Variants in SCN9A observed in about 807,000 individuals in gnomAD.
SCN9A encodes sodium channel protein type 9 subunit alpha.
A neutral mutation model predicts 187.0 loss-of-function variants in SCN9A; 131 were observed. The ratio of observed to expected loss-of-function variants is 0.70; its 90% CI spans 0.61 to 0.81. SCN9A has a LOEUF of 0.81. Among genes scored for constraint, SCN9A ranks in the 30% least tolerant of loss-of-function variants. The pLI is 0.00. For missense variants in SCN9A, 2,252 were observed against 2,396.6 expected, an observed-to-expected ratio of 0.94 and a Z score of 1.26; for synonymous variants, 809 against 808.6, an observed-to-expected ratio of 1.00 and a Z score of -0.01.
chr2:166,356,344 A>G (rs1014528299), intron 1 of SCN9A, among the ~76,000 whole-genome samples: 1 of 152,182 alleles, frequency 6.6e-6, no homozygotes, highest in Non-Finnish European at 1.5e-5. Context: ...ACATTCATTC[A>G]TTCATTCATT....
intron 24 of SCN9A, among the ~76,000 whole-genome samples, chr2:166,214,469 T>G (rs1336245204): frequency 6.6e-6 from 1 of 151,752 alleles, no homozygotes; most frequent in Non-Finnish European, 1.5e-5. Context: ...CTTCCCTGGC[T>G]TCCTCCAGAG....
Position 166,230,313 on chromosome 2 carries a change from T to C in SCN9A, c.3925-1341A>G, listed in dbSNP as rs148322350. Among the ~76,000 whole-genome samples the C allele has an allele frequency of 1.8e-3, 271 of 152,276 alleles. 1 individual carries two copies. The highest frequency in any genetic ancestry group is 6.3e-3 in the African/African-American group (261 of 41,552). ...AACAAACATTATGGTTGTGCTGTCT[T>C]TCCGGAAAGACAATTCTAACTTTCA... On this transcript the variant is annotated intron_variant, in intron 21 of 26. Transcript: ENST00000642356.
intron 1 of SCN9A, among the ~76,000 whole-genome samples, chr2:166,343,500 G>T (rs1235186630): frequency 6.6e-6 from 1 of 152,140 alleles, no homozygotes; most frequent in Non-Finnish European, 1.5e-5. Flanking sequence ...CTATAGGATG[G>T]TATTAAGAAC....
At chr2:166,361,599 A>C (rs1700287592) in intron 1 of SCN9A, among the ~76,000 whole-genome samples, 1 of 152,144 alleles carries the variant, frequency 6.6e-6, no homozygotes, top group Admixed American at 6.6e-5. Context: ...AGGATGTTGA[A>C]AGATTTAATA....
intron 24 of SCN9A, among the ~76,000 whole-genome samples, chr2:166,220,849 T>A (rs1490713451): frequency 1.3e-5 from 2 of 151,060 alleles, no homozygotes; most frequent in African/African-American, 2.4e-5. Flanking sequence ...GTAAAAGACA[T>A]CCCAATCTGA....
At chr2:166,279,866 G>T (rs551089488) in intron 14 of SCN9A, among the ~76,000 whole-genome samples, 2 of 152,022 alleles carry the variant, frequency 1.3e-5, no homozygotes, top group East Asian at 3.9e-4. Context: ...ATACTACAGA[G>T]TTAAAATATT....
chr2:166,214,944 C>T (rs899621183), intron 24 of SCN9A, among the ~76,000 whole-genome samples: 5 of 151,858 alleles, frequency 3.3e-5, no homozygotes, highest in African/African-American at 1.2e-4. Flanking sequence ...CACTTTAATC[C>T]AATAGATCTA....
chr2:166,267,341 T>C (rs1696785776), intron 17 of SCN9A, among the ~76,000 whole-genome samples: 2 of 152,084 alleles, frequency 1.3e-5, no homozygotes, highest in Admixed American at 1.3e-4. Flanking sequence ...ATTCTGTTGA[T>C]ATAATATAGA....
chr2:166,332,367 G>A (rs1384861527), intron 1 of SCN9A, among the ~76,000 whole-genome samples: 1 of 152,066 alleles, frequency 6.6e-6, no homozygotes, highest in African/African-American at 2.4e-5. Context: ...ATTTGGCTTG[G>A]GACAGCCAGT....
chr2:166,370,645 G>A (rs1287242427), intron 1 of SCN9A, among the ~76,000 whole-genome samples: 1 of 151,810 alleles, frequency 6.6e-6, no homozygotes, highest in Non-Finnish European at 1.5e-5. Flanking sequence ...AAAATCTTAT[G>A]GGAATGTTTT....
At chr2:166,239,788 G>C (rs1271330400) in intron 19 of SCN9A, among the ~76,000 whole-genome samples, 1 of 152,094 alleles carries the variant, frequency 6.6e-6, no homozygotes, top group Non-Finnish European at 1.5e-5. Flanking sequence ...TGGTGTACAG[G>C]GTCAGAGCAG....
chr2:166,277,144 G>A lies in SCN9A; in HGVS notation c.2713C>T (p.Leu905Phe). 1.2e-6 allele frequency: 2 copies of A among 1,614,004 alleles called. No individual in the cohort carries two copies. Among genetic ancestry groups the A allele is most frequent in the South Asian group, 1.1e-5 (1 of 91,084 alleles). ...AAGTCGTTCATGTGCCACCGTGGGA[G>A]CGTACAGTCATCATTGATCTTGCAG... ...CVCKINDDCT[L>F]PRWHMNDFFH... The change falls in exon 16 of 27, where the codon CTC becomes TTC. Residue 905 changes from leucine (L) to phenylalanine (F), a missense_variant. This residue lies in a region of SCN9A where 119 missense variants were observed against 188.7 expected (regional missense o/e 0.63). Coordinates refer to ENST00000642356, the MANE Select transcript of SCN9A (RefSeq NM_001365536.1).
chr2:166,233,583 T>C (rs1695190744), intron 20 of SCN9A, 121 bp from the exon 21 acceptor site: 1 of 642,890 alleles, frequency 1.6e-6, no homozygotes, highest in Non-Finnish European at 2.4e-6. Context: ...ATATACGGAG[T>C]TGTGTAGTCA....
intron 1 of SCN9A, among the ~76,000 whole-genome samples, chr2:166,318,795 A>G (rs1699170532): frequency 6.6e-6 from 1 of 152,180 alleles, no homozygotes; most frequent in Non-Finnish European, 1.5e-5. Flanking sequence ...TGATGGTTAC[A>G]TGGGAAAATA....
intron 13 of SCN9A, among the ~76,000 whole-genome samples, chr2:166,280,884 A>G (rs1697455293): frequency 6.6e-6 from 1 of 152,200 alleles, no homozygotes. Context: ...GGTAAACAGG[A>G]GAACTATGTT....
chr2:166,254,760 A>T lies in SCN9A; in HGVS notation c.3352-2875T>A, dbSNP rs1311808090. Among the ~76,000 whole-genome samples the T allele has an allele frequency of 2.6e-5, 4 of 151,586 alleles. No homozygotes were observed. The East Asian group carries it at 7.8e-4, about 29-fold the overall frequency. ...AGAAATTTCTTTTGCTATTATAAAT[A>T]GGACCTTCTGTAATTTTCACATGGA... On this transcript the variant is annotated intron_variant, in intron 17 of 26. Coordinates refer to ENST00000642356, the MANE Select transcript of SCN9A (RefSeq NM_001365536.1).
chr2:166,311,753 C>A lies in SCN9A; in HGVS notation c.4G>T (p.Ala2Ser), dbSNP rs199841742. 4 of 1,596,928 alleles carry A rather than the reference C, an allele frequency of 2.5e-6. No homozygotes were observed. In the African/African-American group the frequency reaches 5.4e-5, roughly 21 times the overall value. ...TGAGGTCCTGGGGGAGGCAACATTG[C>A]CATCTTTTCATCCTGTATATTTTAA... Reference protein sequence around the residue: MAMLPPPGPQSF... With the variant: MSMLPPPGPQSF... The change falls in exon 2 of 27, where the codon GCA becomes TCA. Residue 2 changes from alanine to serine, a missense_variant. By Grantham distance (99) the Ala-to-Ser change is moderately conservative. This residue lies in a region of SCN9A where 1,013 missense variants were observed against 997.4 expected (regional missense o/e 1.02). Coordinates refer to ENST00000642356, the MANE Select transcript of SCN9A (RefSeq NM_001365536.1).
At chr2:166,217,508 T>G (rs139938427) in intron 24 of SCN9A, among the ~76,000 whole-genome samples, 2 of 152,034 alleles carry the variant, frequency 1.3e-5, no homozygotes, top group African/African-American at 4.8e-5. Context: ...CTCAAGCAAC[T>G]CAACACCTAG....
chr2:166,340,219 A>G (rs1354150798), intron 1 of SCN9A, among the ~76,000 whole-genome samples: 2 of 152,168 alleles, frequency 1.3e-5, no homozygotes, highest in Non-Finnish European at 2.9e-5. Context: ...GAGAAATATA[A>G]TCTATAATTT....
Sources: gnomAD v4.1 joint callset for allele counts (sites outside exome capture counted in the v4.1 genomes callset) on GRCh38, gnomAD v4.1.1 for gene constraint, gnomAD v4.1.1 regional missense constraint, MANE v1.5 for transcripts, NCBI Gene and HGNC (gene_info 2026-07-23, HGNC 2026-07-21) for gene names.